Variants in IFT43 observed in about 807,000 individuals in gnomAD.
IFT43 encodes the protein intraflagellar transport protein 43 homolog.
A neutral mutation model predicts 32.3 loss-of-function variants in IFT43; 33 were observed. The observed-to-expected ratio is 1.02, with a 90% CI of 0.77 to 1.37. The LOEUF (loss-of-function observed/expected upper bound fraction) is 1.37, where lower values mean the gene tolerates loss of function less well. IFT43 is among the 40% of genes most tolerant of loss of function. The pLI, the probability that IFT43 is intolerant of heterozygous loss-of-function variation, is 0.00. For missense variants in IFT43, 274 were observed against 265.9 expected, an observed-to-expected ratio of 1.03 and a Z score of -0.21; for synonymous variants, 93 against 98.2, an observed-to-expected ratio of 0.95 and a Z score of 0.31.
intron 2 of IFT43, among the ~76,000 whole-genome samples, chr14:76,002,802 A>G (rs2035913579): frequency 6.6e-6 from 1 of 152,202 alleles, no homozygotes; most frequent in Non-Finnish European, 1.5e-5. Context: ...AAACAGGAGT[A>G]TTGTCTTGGG....
intron 3 of IFT43, among the ~76,000 whole-genome samples, chr14:76,027,812 T>C (rs2036432473): frequency 6.6e-6 from 1 of 152,024 alleles, no homozygotes; most frequent in Admixed American, 6.6e-5. Context: ...ATTTAATATA[T>C]AGTTTATATT....
At chr14:76,082,269 A>G (rs2140099257) in intron 5 of IFT43, 26 bp from the exon 6 acceptor site, 2 of 1,607,678 alleles carry the variant, frequency 1.2e-6, no homozygotes, top group Non-Finnish European at 1.7e-6. Context: ...TTCTGCAGAC[A>G]GTGTTGCCTC....
At chr14:75,986,102 T>C (rs980132725) in intron 1 of IFT43, 31 of 1,447,080 alleles carry the variant, frequency 2.1e-5, no homozygotes, top group Non-Finnish European at 2.7e-5. Context: ...GTGGGAAATT[T>C]CCGAGCCTTT....
At chr14:76,073,773 C>T (rs1166671314) in intron 5 of IFT43, among the ~76,000 whole-genome samples, 3 of 152,202 alleles carry the variant, frequency 2.0e-5, no homozygotes, top group Non-Finnish European at 4.4e-5. Context: ...CCAAGGCGAA[C>T]TCCTTTGAAA....
intron 2 of IFT43, among the ~76,000 whole-genome samples, chr14:76,012,438 C>T (rs929121901): frequency 3.3e-5 from 5 of 152,196 alleles, no homozygotes; most frequent in South Asian, 2.1e-4. Flanking sequence ...CTGAAATTCC[C>T]GCTCTCTGCC....
chr14:76,071,654 C>T (rs2037323153), intron 5 of IFT43, among the ~76,000 whole-genome samples: 1 of 152,162 alleles, frequency 6.6e-6, no homozygotes, highest in Non-Finnish European at 1.5e-5. Context: ...CACACATAGC[C>T]TCAAGATCAC....
At position 76,051,024 on chromosome 14, in the gene IFT43, T is replaced by A. The variant is rs373016440; in HGVS notation, c.216-7618T>A. ...CATTCTCCCAGGAATTGCCTTGTGA[T>A]TCACTAGGCCTTGGCAGTGTAAAGA... is the stretch of plus-strand genomic sequence containing the variant. On this transcript the variant is annotated intron_variant, in intron 3 of 8. Coordinates refer to ENST00000314067, the MANE Select transcript of IFT43 (RefSeq NM_001102564.3). Among the ~76,000 whole-genome samples the A allele has an allele frequency of 1.2e-3, 176 of 151,888 alleles. 5 individuals carry two copies. The South Asian group carries it at 0.035, about 30-fold the overall frequency.
chr14:76,055,751 A>T (rs898300149), intron 3 of IFT43, among the ~76,000 whole-genome samples: 3 of 152,228 alleles, frequency 2.0e-5, no homozygotes, highest in Non-Finnish European at 4.4e-5. Flanking sequence ...AATTATTTGC[A>T]TGTTCGCATT....
At position 76,026,310 on chromosome 14, in the gene IFT43, G is replaced by A. The variant is rs1217110069; in HGVS notation, c.215+3916G>A. ...GTGGTGGCTCACGCCTGTAATCCCA[G>A]CACTTTGGGAGGCCAAGGTGGGTGA... is the stretch of plus-strand genomic sequence containing the variant. On this transcript the variant is annotated intron_variant, in intron 3 of 8. Transcript: ENST00000314067. 6.6e-5 allele frequency among the ~76,000 whole-genome samples: 10 copies of A among 152,176 alleles called. 1 individual carries two copies. The highest frequency in any genetic ancestry group is 1.3e-4 in the Non-Finnish European group (9 of 68,034).
At chr14:76,039,028 A>G (rs1423507889) in intron 3 of IFT43, among the ~76,000 whole-genome samples, 2 of 152,186 alleles carry the variant, frequency 1.3e-5, no homozygotes, top group African/African-American at 2.4e-5. Context: ...GTTCATGGGC[A>G]CAGATGTAAA....
chr14:76,025,154 GT>G (rs1211638319), intron 3 of IFT43, among the ~76,000 whole-genome samples: 1 of 152,208 alleles, frequency 6.6e-6, no homozygotes, highest in African/African-American at 2.4e-5. Context: ...CACAGGAATA[GT>G]TTCTCAAAGA....
rs954033850 is a variant in IFT43, at chr14:76,057,889, G to C, written c.216-753G>C. Among the ~76,000 whole-genome samples the C allele has an allele frequency of 2.6e-5, 4 of 152,014 alleles. 1 individual carries two copies. Among genetic ancestry groups the C allele is most frequent in the Middle Eastern group, 6.3e-3 (2 of 316 alleles). ...CAACTTTAATAATCATCAACATTTC[G>C]CCAGTCTTATTAGAAAACTTCACAT... On this transcript the variant is annotated intron_variant, in intron 3 of 8. Coordinates refer to ENST00000314067, the MANE Select transcript of IFT43 (RefSeq NM_001102564.3).
At chr14:76,070,463 A>G (rs925953642) in intron 5 of IFT43, among the ~76,000 whole-genome samples, 1 of 152,170 alleles carries the variant, frequency 6.6e-6, no homozygotes, top group African/African-American at 2.4e-5. Context: ...TAGTAAGAAC[A>G]TTTCGTTATG....
At chr14:76,071,873 G>A (rs2037327674) in intron 5 of IFT43, among the ~76,000 whole-genome samples, 1 of 151,980 alleles carries the variant, frequency 6.6e-6, no homozygotes, top group Non-Finnish European at 1.5e-5. Flanking sequence ...CTGGGAAATG[G>A]TGGTGCTGGG....
chr14:76,051,520 G>A (rs537978954), intron 3 of IFT43, among the ~76,000 whole-genome samples: 1 of 151,994 alleles, frequency 6.6e-6, no homozygotes, highest in African/African-American at 2.4e-5. Flanking sequence ...CTCATTTGGC[G>A]CTTCACACAT....
rs529246060 is a variant in IFT43 at position 76,034,531 on chromosome 14, A to G, written c.215+12137A>G. Among the ~76,000 whole-genome samples, 23 of 152,342 alleles carry G rather than the reference A, an allele frequency of 1.5e-4. No homozygotes were observed. The East Asian group carries it at 4.2e-3, about 28-fold the overall frequency. Reference sequence around the variant, plus strand: ...CAACTCTGTTGGGTAGATTCTGTTCAATAAGCTAGGTATCCCTGTGCAAAG... The same window carrying G: ...CAACTCTGTTGGGTAGATTCTGTTCGATAAGCTAGGTATCCCTGTGCAAAG... On this transcript the variant is annotated intron_variant, in intron 3 of 8. Coordinates refer to ENST00000314067, the MANE Select transcript of IFT43 (RefSeq NM_001102564.3).
intron 3 of IFT43, among the ~76,000 whole-genome samples, chr14:76,036,624 T>A (rs1286070095): frequency 6.6e-6 from 1 of 152,148 alleles, no homozygotes; most frequent in African/African-American, 2.4e-5. Context: ...AAGCTGGTCT[T>A]GAACTCCTGA....
At chr14:76,045,301 T>C (rs2036785978) in intron 3 of IFT43, among the ~76,000 whole-genome samples, 1 of 152,238 alleles carries the variant, frequency 6.6e-6, no homozygotes, top group African/African-American at 2.4e-5. Flanking sequence ...ATTCGCATCC[T>C]TAGAATTCTT....
chr14:75,994,090 A>G (rs968908575), intron 2 of IFT43, among the ~76,000 whole-genome samples: 3 of 151,670 alleles, frequency 2.0e-5, no homozygotes, highest in Non-Finnish European at 4.4e-5. Flanking sequence ...ACAAATAGAA[A>G]TTATAGAAAG....
Sources: allele counts gnomAD v4.1 joint callset (sites outside exome capture counted in the v4.1 genomes callset), GRCh38; gene constraint gnomAD v4.1.1; transcripts MANE v1.5; gene names NCBI Gene and HGNC (gene_info 2026-07-23, HGNC 2026-07-21).